The following GLRX5 variants were observed in gnomAD, a reference collection of about 807,000 sequenced individuals.
GLRX5 encodes the protein glutaredoxin 5.
In GLRX5, 10 loss-of-function variants were observed where a neutral mutation model predicts 13.8. That is an observed-to-expected ratio of 0.72 (90% CI 0.45 to 1.23). GLRX5 has a LOEUF of 1.23. Ranked by LOEUF, GLRX5 falls within the 50% of genes most tolerant of loss-of-function variation. The probability of loss-of-function intolerance (pLI) is 0.00; values close to 1 mark genes in which losing one functional copy is unlikely to be tolerated. For synonymous variants in GLRX5, 98 were observed against 101.1 expected, an observed-to-expected ratio of 0.97 and a Z score of 0.18; for missense variants, 233 against 215.2, an observed-to-expected ratio of 1.08 and a Z score of -0.52.
intron 1 of GLRX5, 162 bp from the exon 2 acceptor site, chr14:95,543,785 A>G (rs1172751944): frequency 1.5e-6 from 1 of 668,442 alleles, no homozygotes; most frequent in African/African-American, 1.8e-5. Flanking sequence ...TCTTTGACAC[A>G]AAAACTCATG....
At position 95,535,298 on chromosome 14, in the gene GLRX5, G is replaced by C. The variant is rs1409234545; in HGVS notation, c.209G>C (p.Ser70Thr). Residue 70 changes from serine to threonine, a missense_variant, in exon 1 of 2, where the codon AGC becomes ACC. Ser to Thr is a moderately conservative substitution (Grantham distance 58). Transcript: ENST00000331334. ...CCGGAGCAGCCCCAGTGCGGCTTCA[G>C]CAACGCCGTGGTGCAGATCCTGCGG... ...GTPEQPQCGF[S>T]NAVVQILRLH... is the part of the protein sequence containing the mutation. The C allele has an allele frequency of 6.4e-7, 1 of 1,562,440 alleles. No homozygotes were observed. Among genetic ancestry groups the C allele is most frequent in the African/African-American group, 1.3e-5 (1 of 74,154 alleles).
rs77518929 is a variant in GLRX5, at chr14:95,536,662, T to C, written c.295+1278T>C. 3.6e-3 allele frequency among the ~76,000 whole-genome samples: 548 copies of C among 152,278 alleles called. 18 individuals carry two copies. In the East Asian group the frequency reaches 0.049, roughly 14 times the overall value. On this transcript the variant is annotated intron_variant, in intron 1 of 1. Coordinates refer to ENST00000331334, the MANE Select transcript of GLRX5 (RefSeq NM_016417.3). Reference sequence around the variant, plus strand: ...TGTGTTAGGAAGCCAAAGTAAAAATTATAGAAAGTGTGTATTATTTTACCT... The same window carrying C: ...TGTGTTAGGAAGCCAAAGTAAAAATCATAGAAAGTGTGTATTATTTTACCT...
Position 95,544,160 on chromosome 14 carries a change from C to G in GLRX5, c.*35C>G. 1 of 1,584,842 alleles carries G rather than the reference C, an allele frequency of 6.3e-7. No individual in the cohort carries two copies. Among genetic ancestry groups the G allele is most frequent in the Non-Finnish European group, 8.6e-7 (1 of 1,156,200 alleles). On this transcript the variant is annotated 3_prime_UTR_variant, in exon 2 of 2. Transcript: ENST00000331334. ...AGTCCTCGCTGAGCAGAGAGGGAGC[C>G]GTTCATGTCAGAGACTCACTGCCAG... is the stretch of plus-strand genomic sequence containing the variant.
chr14:95,535,234 G>A lies in GLRX5; in HGVS notation c.145G>A (p.Val49Met), dbSNP rs1327821745. The A allele has an allele frequency of 3.8e-6, 6 of 1,563,072 alleles. No homozygotes were observed. In the South Asian group the frequency reaches 7.1e-5, roughly 18 times the overall value. The change falls in exon 1 of 2, where the codon GTG becomes ATG. Residue 49 changes from valine (V) to methionine (M), a missense_variant. Val to Met is a conservative substitution (Grantham distance 21). Transcript: ENST00000331334. The stretch of plus-strand genomic sequence containing the variant: ...CTCGGCGGAGCAGTTGGACGCGCTG[G>A]TGAAGAAGGACAAGGTGGTGGTCTT... The part of the protein sequence containing the change: ...GGSAEQLDAL[V>M]KKDKVVVFLK...
intron 1 of GLRX5, among the ~76,000 whole-genome samples, chr14:95,535,843 C>A (rs531979541): frequency 2.6e-5 from 4 of 152,204 alleles, no homozygotes; most frequent in African/African-American, 9.6e-5. Flanking sequence ...AGGTCTAGGG[C>A]TGTCGATGGT....
chr14:95,537,029 G>C (rs1186037644), intron 1 of GLRX5, among the ~76,000 whole-genome samples: 1 of 152,190 alleles, frequency 6.6e-6, no homozygotes, highest in Non-Finnish European at 1.5e-5. Flanking sequence ...CAGCTTCTCT[G>C]CTTAAAAGAG....
At chr14:95,538,125 A>G (rs1036225382) in intron 1 of GLRX5, among the ~76,000 whole-genome samples, 1 of 151,904 alleles carries the variant, frequency 6.6e-6, no homozygotes, top group African/African-American at 2.4e-5. Context: ...CATTGAGACC[A>G]TGCTTGTCTA....
At chr14:95,541,420 T>C (rs772968811) in intron 1 of GLRX5, among the ~76,000 whole-genome samples, 2 of 152,226 alleles carry the variant, frequency 1.3e-5, no homozygotes, top group Non-Finnish European at 2.9e-5. Flanking sequence ...GAAAAGAGCA[T>C]AGTCATTAAG....
At chr14:95,535,446 G>C in intron 1 of GLRX5, 62 bp downstream of exon 1, 1 of 1,462,286 alleles carries the variant, frequency 6.8e-7, no homozygotes, top group Non-Finnish European at 9.3e-7. Context: ...GCTGCACGAG[G>C]CCGAGGGGTT....
intron 1 of GLRX5, among the ~76,000 whole-genome samples, chr14:95,535,693 C>T (rs1454639392): frequency 6.6e-6 from 1 of 152,194 alleles, no homozygotes; most frequent in African/African-American, 2.4e-5. Flanking sequence ...GGCGATTTGT[C>T]AATGACTGAC....
At chr14:95,538,937 G>A (rs1891426539) in intron 1 of GLRX5, among the ~76,000 whole-genome samples, 1 of 152,238 alleles carries the variant, frequency 6.6e-6, no homozygotes, top group Non-Finnish European at 1.5e-5. Context: ...ACTTCTGCAT[G>A]TGTGTGTTAG....
intron 1 of GLRX5, chr14:95,543,133 C>T (rs752116690): frequency 1.1e-5 from 5 of 455,770 alleles, no homozygotes; most frequent in Admixed American, 2.4e-5. Context: ...AAGAGCAGAG[C>T]GGGTCTCACT....
At position 95,535,380 on chromosome 14, in the gene GLRX5, A is replaced by C. The variant is rs2139646851; in HGVS notation, c.291A>C (p.Arg97=). The change falls in exon 1 of 2, where the codon CGA becomes CGC. Residue 97 remains arginine, a synonymous_variant. Coordinates refer to ENST00000331334, the MANE Select transcript of GLRX5 (RefSeq NM_016417.3). The part of the protein sequence containing the change: ...AYNVLDDPEL[R]QGIKDYSNWP... ...ACGTGCTGGACGACCCGGAGCTCCG[A>C]CAAGGTCAGGCCAGTGTGCCGGGCA... is the stretch of plus-strand genomic sequence containing the variant. 1 of 1,549,582 alleles carries C rather than the reference A, an allele frequency of 6.5e-7. No individual in the cohort carries two copies. Among genetic ancestry groups the C allele is most frequent in the East Asian group, 2.4e-5 (1 of 41,190 alleles).
At chr14:95,538,722 C>T (rs143125485) in intron 1 of GLRX5, among the ~76,000 whole-genome samples, 1,571 of 152,268 alleles carry the variant, frequency 0.01, 21 homozygotes, top group Non-Finnish European at 0.013. Context: ...AGACTAAGTA[C>T]GTCAGGCTTT....
Position 95,544,281 on chromosome 14 carries a change from G to T in GLRX5, c.*156G>T. On this transcript the variant is annotated 3_prime_UTR_variant, in exon 2 of 2. Coordinates refer to ENST00000331334, the MANE Select transcript of GLRX5 (RefSeq NM_016417.3). ...GCAGTTGGTGATTTTAGTTGGTCTG[G>T]TGTTCGGGCTAAGAATATTTTATTG... 3.0e-6 allele frequency: 2 copies of T among 674,736 alleles called. No homozygotes were observed. Among genetic ancestry groups the T allele is most frequent in the Non-Finnish European group, 5.4e-6 (2 of 370,010 alleles). The allele number at this position is 674,736 out of a possible 1,614,324, so 41.8% of individuals were successfully genotyped here.
intron 1 of GLRX5, chr14:95,543,534 G>T: frequency 3.2e-6 from 1 of 313,882 alleles, no homozygotes; most frequent in Non-Finnish European, 6.2e-6. Context: ...CTTGAAGCTT[G>T]ACTGGTAGAT....
chr14:95,543,146 C>T (rs1295052461), intron 1 of GLRX5: 2 of 455,950 alleles, frequency 4.4e-6, no homozygotes, highest in Non-Finnish European at 8.8e-6. Flanking sequence ...GTCTCACTCC[C>T]CCACCCCTCA....
At chr14:95,535,442 C>T (rs1428650855) in intron 1 of GLRX5, 58 bp downstream of exon 1, 58 of 1,470,958 alleles carry the variant, frequency 3.9e-5, no homozygotes, top group Non-Finnish European at 4.5e-5. Flanking sequence ...CATCGCTGCA[C>T]GAGGCCGAGG....
At chr14:95,538,909 T>A (rs776571131) in intron 1 of GLRX5, among the ~76,000 whole-genome samples, 78 of 152,214 alleles carry the variant, frequency 5.1e-4, no homozygotes, top group African/African-American at 1.6e-3. Context: ...AGTTTATCTG[T>A]CCCTGGCCTA....
Sources: allele counts gnomAD v4.1 joint callset (sites outside exome capture counted in the v4.1 genomes callset), GRCh38; gene constraint gnomAD v4.1.1; transcripts MANE v1.5; gene names NCBI Gene and HGNC (gene_info 2026-07-23, HGNC 2026-07-21).